Variants in NR3C1 observed in about 807,000 individuals in gnomAD.
NR3C1 encodes the protein glucocorticoid receptor.
NR3C1 carries 14 observed loss-of-function variants against 74.0 expected under a neutral mutation model. That is an observed-to-expected ratio of 0.19 (90% CI 0.12 to 0.30). The LOEUF is 0.30. NR3C1 is among the 10% of genes least tolerant of loss of function. The pLI, the probability that NR3C1 is intolerant of heterozygous loss-of-function variation, is 1.00. For missense variants in NR3C1, 695 were observed against 909.8 expected (o/e 0.76, Z 3.04); for synonymous variants, 308 against 332.5 (o/e 0.93, Z 0.80).
chr5:143,332,937 T>A, intron 2 of NR3C1: 1 of 1,569,952 alleles, frequency 6.4e-7, no homozygotes, highest in Non-Finnish European at 8.7e-7. Context: ...AAATCTGAAG[T>A]CTGTCCGAGA....
At chr5:143,420,936 C>A (rs67752035) in intron 1 of NR3C1, among the ~76,000 whole-genome samples, 27,670 of 152,086 alleles carry the variant, frequency 0.18, 2,731 homozygotes, top group Middle Eastern at 0.35. Context: ...GGAATCATTC[C>A]AACTTTTTTT....
chr5:143,371,131 T>C (rs1476139114), intron 2 of NR3C1, among the ~76,000 whole-genome samples: 1 of 152,190 alleles, frequency 6.6e-6, no homozygotes, highest in African/African-American at 2.4e-5. Context: ...TTAGATTAGA[T>C]TGTGGTCCTT....
upstream of NR3C1, chr5:143,404,427 C>T (rs1840926875): frequency 1.0e-6 from 1 of 985,536 alleles, no homozygotes; most frequent in Non-Finnish European, 1.2e-6. Flanking sequence ...ACCGCATCAT[C>T]TGGGCGGCCG....
intron 2 of NR3C1, among the ~76,000 whole-genome samples, chr5:143,333,626 G>A (rs535189411): frequency 1.1e-4 from 17 of 152,210 alleles, no homozygotes; most frequent in Non-Finnish European, 7.3e-5. Context: ...AAATGAGCTG[G>A]GTGTGGTGGC....
intron 1 of NR3C1, among the ~76,000 whole-genome samples, chr5:143,409,902 T>C (rs1472084217): frequency 6.6e-6 from 1 of 152,230 alleles, no homozygotes; most frequent in Non-Finnish European, 1.5e-5. Context: ...CAACCTAAAA[T>C]ATCACAATTT....
intron 2 of NR3C1, among the ~76,000 whole-genome samples, chr5:143,345,593 C>T (rs933635807): frequency 6.6e-6 from 1 of 152,150 alleles, no homozygotes; most frequent in Non-Finnish European, 1.5e-5. Flanking sequence ...TTTAAAAATG[C>T]TCAGCAAGCC....
At chr5:143,367,957 G>C (rs1480711614) in intron 2 of NR3C1, among the ~76,000 whole-genome samples, 1 of 152,042 alleles carries the variant, frequency 6.6e-6, no homozygotes, top group African/African-American at 2.4e-5. Context: ...TCTTAAAAAA[G>C]AACAAAGTTG....
Position 143,391,043 on chromosome 5 carries a change from A to T in NR3C1, c.1184+8613T>A, listed in dbSNP as rs537179831. ...ACATTTATTTTGGGTTTTCTGTTTTAAAAAAAAAACTCAATCTATTTTATA... is the reference window on the plus strand; with the variant it reads ...ACATTTATTTTGGGTTTTCTGTTTTTAAAAAAAAACTCAATCTATTTTATA... On this transcript the variant is annotated intron_variant, in intron 2 of 8. Coordinates refer to ENST00000394464, the MANE Select transcript of NR3C1 (RefSeq NM_000176.3). Among the ~76,000 whole-genome samples the T allele has an allele frequency of 1.4e-4, 21 of 149,506 alleles. No individual in the cohort carries two copies. The East Asian group carries it at 3.1e-3, about 22-fold the overall frequency.
intron 2 of NR3C1, among the ~76,000 whole-genome samples, chr5:143,317,348 G>C (rs1822358871): frequency 6.6e-6 from 1 of 152,112 alleles, no homozygotes; most frequent in Non-Finnish European, 1.5e-5. Flanking sequence ...CTTTGAATGG[G>C]AAAGCTAAAA....
At position 143,295,017 on chromosome 5, in the gene NR3C1, T is replaced by C. The variant is rs552867260; in HGVS notation, c.2023+443A>G. On this transcript the variant is annotated intron_variant, in intron 7 of 8. Coordinates refer to ENST00000394464, the MANE Select transcript of NR3C1 (RefSeq NM_000176.3). ...CCATGCTATGTTAACCAATCCCCAA[T>C]AGTAATTAAGCACACCTTTTCTAGG... 1.7e-5 allele frequency: 17 copies of C among 985,364 alleles called. No homozygotes were observed. In the African/African-American group the frequency reaches 2.3e-4, roughly 13 times the overall value. The allele number at this position is 985,364 out of a possible 1,614,324, so 61.0% of individuals were successfully genotyped here.
At chr5:143,408,438 C>CT (rs34580792), upstream of NR3C1, among the ~76,000 whole-genome samples, 50 of 151,888 alleles carry the variant, frequency 3.3e-4, no homozygotes, top group Non-Finnish European at 5.9e-5. Flanking sequence ...TATTTTCCCC[C>CT]TTTTTTTTAA....
chr5:143,431,486 G>A (rs1434722012), intron 1 of NR3C1, among the ~76,000 whole-genome samples: 6 of 151,936 alleles, frequency 3.9e-5, no homozygotes, highest in African/African-American at 1.2e-4. Flanking sequence ...TCACATACCC[G>A]GGCCTGTCAG....
intron 7 of NR3C1, among the ~76,000 whole-genome samples, chr5:143,288,236 A>G (rs1382220068): frequency 2.0e-5 from 3 of 151,280 alleles, no homozygotes; most frequent in South Asian, 2.1e-4. Context: ...CTCCTGCCTC[A>G]GCCTCCTGAG....
At position 143,279,236 on chromosome 5, in the gene NR3C1, A is replaced by G. The variant is rs765732212; in HGVS notation, c.*2653T>C. The G allele has an allele frequency of 6.6e-6, 7 of 1,065,058 alleles. No individual in the cohort carries two copies. The highest frequency in any genetic ancestry group is 3.3e-5 in the South Asian group (2 of 59,882). The allele number at this position is 1,065,058 out of a possible 1,614,324, so 66.0% of individuals were successfully genotyped here. On this transcript the variant is annotated 3_prime_UTR_variant, in exon 9 of 9. Coordinates refer to ENST00000394464, the MANE Select transcript of NR3C1 (RefSeq NM_000176.3). ...CTAAAAGGGCACAGCTTCTTTTCCC[A>G]TTTAATGAAAAGCCTCCTATAGTTG...
At chr5:143,377,884 C>G (rs1253299923) in intron 2 of NR3C1, among the ~76,000 whole-genome samples, 5 of 152,122 alleles carry the variant, frequency 3.3e-5, no homozygotes, top group Non-Finnish European at 1.5e-5. Flanking sequence ...GGGAAAATAT[C>G]CTTGGATCCC....
intron 2 of NR3C1, among the ~76,000 whole-genome samples, chr5:143,321,185 T>C (rs919737425): frequency 1.5e-4 from 23 of 152,318 alleles, no homozygotes; most frequent in South Asian, 2.1e-4. Flanking sequence ...AGTGCAGTTA[T>C]TGACTTTTTC....
intron 2 of NR3C1, among the ~76,000 whole-genome samples, chr5:143,383,071 G>A (rs939266924): frequency 6.6e-6 from 1 of 152,222 alleles, no homozygotes; most frequent in Non-Finnish European, 1.5e-5. Context: ...CACAGTTTCT[G>A]CTGGAAAGAG....
intron 2 of NR3C1, among the ~76,000 whole-genome samples, chr5:143,319,125 A>C (rs1371188772): frequency 3.3e-5 from 5 of 152,178 alleles, no homozygotes; most frequent in Admixed American, 2.6e-4. Flanking sequence ...TAGTAAGGTA[A>C]AGATTCTAAA....
At chr5:143,367,653 G>T (rs1833487784) in intron 2 of NR3C1, among the ~76,000 whole-genome samples, 2 of 152,068 alleles carry the variant, frequency 1.3e-5, no homozygotes, top group South Asian at 4.1e-4. Flanking sequence ...ATTCATAAAA[G>T]CATCAAAACC....
Sources: allele counts gnomAD v4.1 joint callset (sites outside exome capture counted in the v4.1 genomes callset), GRCh38; gene constraint gnomAD v4.1.1; transcripts MANE v1.5; gene names NCBI Gene and HGNC (gene_info 2026-07-23, HGNC 2026-07-21).